The following ZNF831 variants were observed in gnomAD, a reference collection of about 807,000 sequenced individuals.
The protein encoded by ZNF831 is chromosome 20 open reading frame 174.
ZNF831 carries 59 observed loss-of-function variants against 95.8 expected under a neutral mutation model. The observed-to-expected ratio is 0.62, with a 90% CI of 0.50 to 0.77. The LOEUF is 0.77. ZNF831 is among the 30% of genes least tolerant of loss of function. The pLI, the probability that ZNF831 is intolerant of heterozygous loss-of-function variation, is 0.00. For synonymous variants in ZNF831, 961 were observed against 925.5 expected (o/e 1.04, Z -0.70); for missense variants, 2,205 against 2,164.0 (o/e 1.02, Z -0.38).
chr20:59,189,094 T>A (rs1298239247), intron 1 of ZNF831, among the ~76,000 whole-genome samples: 4 of 151,632 alleles, frequency 2.6e-5, no homozygotes, highest in Admixed American at 2.6e-4. Context: ...GGCAAGAGAA[T>A]AGCTTGAATC....
chr20:59,220,887 T>C (rs531824188), intron 4 of ZNF831, among the ~76,000 whole-genome samples: 1 of 152,310 alleles, frequency 6.6e-6, no homozygotes, highest in African/African-American at 2.4e-5. Flanking sequence ...GTCTTGACTT[T>C]TACTAGTTCT....
At chr20:59,249,077 C>T (rs559918052) in intron 4 of ZNF831, among the ~76,000 whole-genome samples, 3 of 152,242 alleles carry the variant, frequency 2.0e-5, no homozygotes, top group East Asian at 1.9e-4. Flanking sequence ...CTCTTGCTCC[C>T]GCAAGCTGCT....
intron 2 of ZNF831, among the ~76,000 whole-genome samples, chr20:59,155,586 G>A (rs973447377): frequency 6.6e-6 from 1 of 152,216 alleles, no homozygotes; most frequent in African/African-American, 2.4e-5. Flanking sequence ...GGGAATGATT[G>A]CCTTGGAAGT....
chr20:59,199,253 C>G (rs1199589567), intron 3 of ZNF831, among the ~76,000 whole-genome samples: 1 of 151,936 alleles, frequency 6.6e-6, no homozygotes, highest in African/African-American at 2.4e-5. Flanking sequence ...AGAGATTGCT[C>G]TATAGTCCTT....
intron 4 of ZNF831, among the ~76,000 whole-genome samples, chr20:59,226,223 C>T (rs984566086): frequency 2.0e-5 from 3 of 152,196 alleles, no homozygotes; most frequent in Non-Finnish European, 4.4e-5. Context: ...GGCATGGCTG[C>T]TGAACACACA....
chr20:59,143,716 C>T (rs572282492), intron 1 of ZNF831, among the ~76,000 whole-genome samples: 46 of 152,176 alleles, frequency 3.0e-4, no homozygotes, highest in Non-Finnish European at 5.6e-4. Flanking sequence ...ATGGTTGGCC[C>T]GAGGATCAGT....
chr20:59,140,360 G>C (rs925085888), intron 1 of ZNF831, among the ~76,000 whole-genome samples: 1 of 152,156 alleles, frequency 6.6e-6, no homozygotes, highest in Non-Finnish European at 1.5e-5. Context: ...CAAATCCATT[G>C]GGTGCCTAAG....
chr20:59,221,174 G>A (rs566301362), intron 4 of ZNF831, among the ~76,000 whole-genome samples: 94 of 152,252 alleles, frequency 6.2e-4, no homozygotes, highest in African/African-American at 2.0e-3. Flanking sequence ...TTCCCCCCAG[G>A]TCTGGACAAG....
At position 59,192,427 on chromosome 20, in the gene ZNF831, G is replaced by T. The variant is rs780396810; in HGVS notation, c.1408G>T (p.Val470Leu). The T allele has an allele frequency of 5.0e-6, 8 of 1,609,188 alleles. No homozygotes were observed. The South Asian group carries it at 8.8e-5, about 18-fold the overall frequency. The change falls in exon 2 of 6, where the codon GTG becomes TTG. Residue 470 changes from valine (V) to leucine (L), a missense_variant. Val to Leu is a conservative substitution (Grantham distance 32). Transcript: ENST00000371030. This position sits in a 1 kb window ranked among gnomAD's most constrained non-coding sequence, Gnocchi z 5.2. ...EPGRRRAPGPVRSTWTPPDKS... is the reference protein window; with the variant it reads ...EPGRRRAPGPLRSTWTPPDKS... ...AGGCCGTAGGAGGGCCCCGGGCCCCGTGCGCTCCACCTGGACGCCCCCAGA... is the reference window on the plus strand; with the variant it reads ...AGGCCGTAGGAGGGCCCCGGGCCCCTTGCGCTCCACCTGGACGCCCCCAGA...
At chr20:59,178,753 C>T (rs1982370042) in intron 1 of ZNF831, among the ~76,000 whole-genome samples, 1 of 152,122 alleles carries the variant, frequency 6.6e-6, no homozygotes, top group African/African-American at 2.4e-5. Flanking sequence ...TTTACTTTGG[C>T]CAGGCATGTT....
intron 1 of ZNF831, among the ~76,000 whole-genome samples, chr20:59,173,325 G>C (rs1981887865): frequency 6.6e-6 from 1 of 152,102 alleles, no homozygotes; most frequent in Admixed American, 6.5e-5. Flanking sequence ...TTTTTTGTTT[G>C]ATTTTCAGCA....
upstream of ZNF831, chr20:59,160,934 AAAAAAGGGCCTG>A (rs1386251539): frequency 2.0e-5 from 3 of 152,130 alleles, no homozygotes; most frequent in Non-Finnish European, 4.4e-5. Context: ...TTTCCTTCAG[AAAAAAGGGCCTG>A]AGAAAGCAAG....
At chr20:59,150,672 CACTATGCTGTGGCCAGT>C (rs1980178661) in intron 2 of ZNF831, among the ~76,000 whole-genome samples, 1 of 152,300 alleles carries the variant, frequency 6.6e-6, no homozygotes, top group South Asian at 2.1e-4. Context: ...ACAAACAGCC[CACTATGCTGTGGCCAGT>C]ACTCCGCGCC....
intron 4 of ZNF831, among the ~76,000 whole-genome samples, chr20:59,211,985 G>C (rs145815367): frequency 7.3e-6 from 1 of 137,892 alleles, no homozygotes; most frequent in Non-Finnish European, 1.6e-5. Context: ...AGGTGGGTGG[G>C]ATTTCTCAAT....
chr20:59,161,571 G>A (rs1167234648), upstream of ZNF831, among the ~76,000 whole-genome samples: 3 of 152,218 alleles, frequency 2.0e-5, no homozygotes, highest in South Asian at 4.1e-4. Flanking sequence ...GGGATTACAT[G>A]TTGCTGCATG....
chr20:59,209,877 C>T (rs1374985504), intron 4 of ZNF831, among the ~76,000 whole-genome samples: 1 of 152,158 alleles, frequency 6.6e-6, no homozygotes, highest in Non-Finnish European at 1.5e-5. Flanking sequence ...CTTCTTCTGT[C>T]TTTCTCTTAT....
chr20:59,238,401 C>T (rs1486299904), intron 4 of ZNF831, among the ~76,000 whole-genome samples: 5 of 152,292 alleles, frequency 3.3e-5, no homozygotes, highest in Middle Eastern at 3.4e-3. Flanking sequence ...TCTCTCTCTT[C>T]CTCTCTACTT....
At chr20:59,177,314 A>G (rs997372073) in intron 1 of ZNF831, among the ~76,000 whole-genome samples, 1 of 152,250 alleles carries the variant, frequency 6.6e-6, no homozygotes, top group Admixed American at 6.5e-5. Flanking sequence ...GGGAAATAGT[A>G]TACTTGCCCA....
At chr20:59,179,984 G>A (rs1008391016) in intron 1 of ZNF831, among the ~76,000 whole-genome samples, 6 of 152,168 alleles carry the variant, frequency 3.9e-5, no homozygotes, top group African/African-American at 1.4e-4. Flanking sequence ...AGAGTTGTGG[G>A]CACAGGTCCT....
Sources: allele counts gnomAD v4.1 joint callset (sites outside exome capture counted in the v4.1 genomes callset), GRCh38; gene constraint gnomAD v4.1.1; non-coding constraint Gnocchi (gnomAD v3.1); transcripts MANE v1.5; gene names NCBI Gene and HGNC (gene_info 2026-07-23, HGNC 2026-07-21).